The following DLG2 variants were observed in gnomAD, a reference collection of about 807,000 sequenced individuals.
The protein encoded by DLG2 is disks large homolog 2.
In DLG2, 45 loss-of-function variants were observed where a neutral mutation model predicts 132.5. The ratio of observed to expected loss-of-function variants is 0.34; its 90% CI spans 0.27 to 0.44. The LOEUF is 0.44. DLG2 is among the 20% of genes least tolerant of loss of function. The pLI, the probability that DLG2 is intolerant of heterozygous loss-of-function variation, is 1.00. For synonymous variants in DLG2, 424 were observed against 419.6 expected (o/e 1.01, Z -0.13); for missense variants, 1,045 against 1,196.9 (o/e 0.87, Z 1.87).
chr11:84,840,344 G>A (rs368740827), intron 6 of DLG2, among the ~76,000 whole-genome samples: 1 of 152,088 alleles, frequency 6.6e-6, no homozygotes, highest in African/African-American at 2.4e-5. Context: ...GAAACAACAG[G>A]TGCTGGAGAG....
intron 25 of DLG2, among the ~76,000 whole-genome samples, chr11:83,467,546 C>T (rs959627326): frequency 5.6e-4 from 85 of 151,458 alleles, no homozygotes; most frequent in African/African-American, 1.5e-3. Flanking sequence ...ATCAGGAGTT[C>T]GAGACCAGCC....
At chr11:83,672,476 C>T (rs2076998719) in intron 18 of DLG2, among the ~76,000 whole-genome samples, 1 of 152,150 alleles carries the variant, frequency 6.6e-6, no homozygotes, top group South Asian at 2.1e-4. Context: ...CGTGCCCGGC[C>T]TCCTTGATTT....
intron 9 of DLG2, among the ~76,000 whole-genome samples, chr11:84,106,813 C>CTGTGTG (rs71066090): frequency 0.036 from 4,788 of 132,774 alleles, 77 homozygotes; most frequent in Non-Finnish European, 0.058. Flanking sequence ...AGATTATTAT[C>CTGTGTG]TGTGTGTGTG....
chr11:85,589,663 A>G (rs1015672650), intron 3 of DLG2, among the ~76,000 whole-genome samples: 2 of 152,096 alleles, frequency 1.3e-5, no homozygotes, highest in African/African-American at 4.8e-5. Flanking sequence ...GCTTTTACCC[A>G]GTTGGTGAGG....
intron 6 of DLG2, among the ~76,000 whole-genome samples, chr11:84,731,786 C>T (rs1317089167): frequency 1.3e-5 from 2 of 151,982 alleles, no homozygotes; most frequent in Admixed American, 6.6e-5. Flanking sequence ...GTAGAACTGA[C>T]ATAAAATAAA....
At chr11:84,193,765 G>C (rs930174049) in intron 8 of DLG2, among the ~76,000 whole-genome samples, 2 of 152,096 alleles carry the variant, frequency 1.3e-5, no homozygotes, top group Admixed American at 6.6e-5. Context: ...CAATAATGTA[G>C]ATGTTTCATA....
intron 6 of DLG2, among the ~76,000 whole-genome samples, chr11:84,812,700 A>C (rs887975416): frequency 1.3e-5 from 2 of 152,178 alleles, no homozygotes; most frequent in African/African-American, 2.4e-5. Flanking sequence ...TGCTTCTTTA[A>C]AACAACATTG....
chr11:84,361,045 A>C (rs534633432), intron 7 of DLG2, among the ~76,000 whole-genome samples: 310 of 152,078 alleles, frequency 2.0e-3, no homozygotes, highest in African/African-American at 7.2e-3. Flanking sequence ...GTTAACTCGA[A>C]GAAATAGTGA....
chr11:83,477,369 C>T (rs917177210), intron 22 of DLG2, among the ~76,000 whole-genome samples: 3 of 152,130 alleles, frequency 2.0e-5, no homozygotes, highest in African/African-American at 7.2e-5. Context: ...AGACAATGTA[C>T]ACTTTATCAG....
chr11:83,915,860 TCCCATA>T (rs2076836081), intron 15 of DLG2, among the ~76,000 whole-genome samples: 1 of 152,072 alleles, frequency 6.6e-6, no homozygotes, highest in Admixed American at 6.6e-5. Flanking sequence ...CCCAAAGAAA[TCCCATA>T]CCCATGATCA....
At chr11:85,205,131 C>CAT (rs202212727) in intron 4 of DLG2, among the ~76,000 whole-genome samples, 68 of 143,038 alleles carry the variant, frequency 4.8e-4, no homozygotes, top group Middle Eastern at 3.6e-3. Flanking sequence ...ATATATAATT[C>CAT]ATATATATGT....
intron 6 of DLG2, among the ~76,000 whole-genome samples, chr11:84,591,968 C>T (rs2099544390): frequency 6.6e-6 from 1 of 152,156 alleles, no homozygotes; most frequent in Admixed American, 6.5e-5. Flanking sequence ...ATCCTCTCAC[C>T]TCAGCCTCCT....
chr11:85,464,628 G>A lies in DLG2; in HGVS notation c.40+134029C>T, dbSNP rs1356074977. Among the ~76,000 whole-genome samples, 7 of 151,988 alleles carry A rather than the reference G, an allele frequency of 4.6e-5. No homozygotes were observed. In the East Asian group the frequency reaches 1.2e-3, roughly 25 times the overall value. On this transcript the variant is annotated intron_variant, in intron 3 of 27. Coordinates refer to ENST00000376104, the MANE Select transcript of DLG2 (RefSeq NM_001142699.3). Reference sequence around the variant, plus strand: ...CAATTGGAATAGTCACAAATCTTGTGACCTCTGGTCACATGACCCCTGGGC... The same window carrying A: ...CAATTGGAATAGTCACAAATCTTGTAACCTCTGGTCACATGACCCCTGGGC...
chr11:83,858,445 T>G (rs1172696442), intron 16 of DLG2, among the ~76,000 whole-genome samples: 2 of 152,190 alleles, frequency 1.3e-5, no homozygotes, highest in East Asian at 1.9e-4. Context: ...AGACTCTAGT[T>G]CACTCTCATT....
intron 16 of DLG2, among the ~76,000 whole-genome samples, chr11:83,834,080 C>T (rs2154003311): frequency 6.6e-6 from 1 of 152,252 alleles, no homozygotes; most frequent in South Asian, 2.1e-4. Context: ...CACAGTAGTA[C>T]TCAGTATGAC....
chr11:84,810,244 A>G (rs12291798), intron 6 of DLG2, among the ~76,000 whole-genome samples: 68,315 of 151,892 alleles, frequency 0.45, 16,278 homozygotes, highest in African/African-American at 0.57. Flanking sequence ...GAATATATAA[A>G]GAACTGTCAA....
intron 15 of DLG2, among the ~76,000 whole-genome samples, chr11:83,881,379 C>G (rs147232349): frequency 6.6e-6 from 1 of 151,912 alleles, no homozygotes; most frequent in Non-Finnish European, 1.5e-5. Context: ...TTAATGGTAC[C>G]GATTTTGATC....
chr11:85,364,701 C>G (rs189135255), intron 3 of DLG2, among the ~76,000 whole-genome samples: 1 of 152,160 alleles, frequency 6.6e-6, no homozygotes, highest in Non-Finnish European at 1.5e-5. Context: ...AATTGTTAAG[C>G]CCTTATAATA....
intron 3 of DLG2, among the ~76,000 whole-genome samples, chr11:85,525,371 G>A (rs2074664592): frequency 6.6e-6 from 1 of 151,994 alleles, no homozygotes; most frequent in South Asian, 2.1e-4. Context: ...ATGAAACTAA[G>A]GTTTTCATTA....
Sources: allele counts gnomAD v4.1 joint callset (sites outside exome capture counted in the v4.1 genomes callset), GRCh38; gene constraint gnomAD v4.1.1; transcripts MANE v1.5; gene names NCBI Gene and HGNC (gene_info 2026-07-23, HGNC 2026-07-21).